AANAT: variants seen among roughly 807,000 people sequenced by gnomAD.
AANAT encodes the protein aralkylamine N-acetyltransferase.
A neutral mutation model predicts 15.6 loss-of-function variants in AANAT; 11 were observed. The ratio of observed to expected loss-of-function variants is 0.71; its 90% CI spans 0.44 to 1.17. AANAT has a LOEUF of 1.17. Ranked by LOEUF, AANAT falls within the 50% of genes most tolerant of loss-of-function variation. The probability of loss-of-function intolerance (pLI) is 0.00; values close to 1 mark genes in which losing one functional copy is unlikely to be tolerated. For missense variants in AANAT, 286 were observed against 296.3 expected (o/e 0.97, Z 0.26); for synonymous variants, 139 against 131.5 (o/e 1.06, Z -0.39).
intron 2 of AANAT, among the ~76,000 whole-genome samples, chr17:76,461,428 TG>T (rs2073387017): frequency 6.6e-6 from 1 of 151,612 alleles, no homozygotes; most frequent in Non-Finnish European, 1.5e-5. Flanking sequence ...CTGGCCAACA[TG>T]GTGAAACCCC....
intron 1 of AANAT, among the ~76,000 whole-genome samples, chr17:76,458,399 C>T (rs2073358739): frequency 6.6e-6 from 1 of 152,192 alleles, no homozygotes; most frequent in Admixed American, 6.5e-5. Context: ...ATGGAAGCCG[C>T]TGCTTAGTTT....
intron 2 of AANAT, chr17:76,459,395 CAAAT>C (rs1025793501): frequency 6.6e-6 from 1 of 152,284 alleles, no homozygotes; most frequent in African/African-American, 2.4e-5. Flanking sequence ...ATCTTTTCCT[CAAAT>C]AGTTTCTTCT....
At chr17:76,466,852 A>C (rs2073443510), upstream of AANAT, among the ~76,000 whole-genome samples, 1 of 152,150 alleles carries the variant, frequency 6.6e-6, no homozygotes, top group African/African-American at 2.4e-5. Context: ...GGTCCGTCCC[A>C]AGCTGTGTGG....
At position 76,470,084 on chromosome 17, in the gene AANAT, TA is replaced by T. The variant is rs2073510215; in HGVS notation, c.*117del. On this transcript the variant is annotated 3_prime_UTR_variant, in exon 4 of 4. Coordinates refer to ENST00000392492, the MANE Select transcript of AANAT (RefSeq NM_001088.3). Reference sequence around the variant, plus strand: ...AGAGAGTGGAGAGAGCAGGGCTAAATAAAGAGGAGATAAGGTGGCTTCTCAC... The same window carrying T: ...AGAGAGTGGAGAGAGCAGGGCTAAATAAGAGGAGATAAGGTGGCTTCTCAC... The T allele has an allele frequency of 8.4e-7, 1 of 1,189,484 alleles. No homozygotes were observed. Among genetic ancestry groups the T allele is most frequent in the South Asian group, 1.8e-5 (1 of 55,382 alleles). 73.7% of individuals were successfully genotyped at this position (1,189,484 alleles called of 1,614,324 possible). A position where few individuals can be genotyped will look rare whatever the true frequency, so the allele number is the denominator to read the frequency against.
chr17:76,457,197 C>A (rs1848847555), intron 1 of AANAT, among the ~76,000 whole-genome samples: 1 of 152,138 alleles, frequency 6.6e-6, no homozygotes, highest in African/African-American at 2.4e-5. Context: ...CGCCCACCAC[C>A]ACGGCTGGCT....
At position 76,469,354 on chromosome 17, in the gene AANAT, T is replaced by A. The variant is rs1487132855; in HGVS notation, c.318+27T>A. 2.5e-6 allele frequency: 4 copies of A among 1,612,504 alleles called. No individual in the cohort carries two copies. The South Asian group carries it at 3.3e-5, about 13-fold the overall frequency. ...TGAGGACAGGGCTGCGACGCCCAGC[T>A]CCAGGGAGGCCTCTGAAGACAGAGG... On this transcript the variant is annotated intron_variant, in intron 3 of 3. Transcript: ENST00000392492. This position sits in a 1 kb window ranked among gnomAD's most constrained non-coding sequence, Gnocchi z 5.2.
At position 76,469,850 on chromosome 17, in the gene AANAT, T is replaced by C; in HGVS notation, c.504T>C (p.Tyr168=). ...LMCEDALVPF[Y]ERFSFHAVGP... ...GCGAGGACGCGCTGGTACCCTTCTA[T>C]GAGAGGTTCAGCTTCCACGCCGTGG... is the stretch of plus-strand genomic sequence containing the variant. The change falls in exon 4 of 4, where the codon TAT becomes TAC. Residue 168 remains tyrosine, a synonymous_variant. Coordinates refer to ENST00000392492, the MANE Select transcript of AANAT (RefSeq NM_001088.3). The surrounding 1 kb of genome is among the most constrained non-coding windows in gnomAD (Gnocchi z 5.2). 7 of 1,604,348 alleles carry C rather than the reference T, an allele frequency of 4.4e-6. No individual in the cohort carries two copies. The highest frequency in any genetic ancestry group is 1.1e-5 in the South Asian group (1 of 89,438).
intron 1 of AANAT, chr17:76,453,892 T>G (rs1315287747): frequency 6.6e-6 from 1 of 152,222 alleles, no homozygotes; most frequent in African/African-American, 2.4e-5. Context: ...GTAAGGTAGC[T>G]AAGAGTGGGG....
chr17:76,456,681 C>T (rs2073346453), intron 1 of AANAT, among the ~76,000 whole-genome samples: 1 of 152,202 alleles, frequency 6.6e-6, no homozygotes, highest in Admixed American at 6.5e-5. Context: ...AACATAGTAG[C>T]TTCTGTTCTG....
At chr17:76,458,934 G>A (rs770412432) in intron 1 of AANAT, among the ~76,000 whole-genome samples, 2 of 146,028 alleles carry the variant, frequency 1.4e-5, no homozygotes, top group Non-Finnish European at 3.0e-5. Context: ...GCTGGCTGAA[G>A]AAATGCCTCC....
At chr17:76,460,165 T>A in intron 2 of AANAT, among the ~76,000 whole-genome samples, 1 of 118,520 alleles carries the variant, frequency 8.4e-6, no homozygotes, top group Non-Finnish European at 1.7e-5. Context: ...TTTTTTTTTT[T>A]TGAGACAGAG....
chr17:76,462,647 T>C (rs559814639), upstream of AANAT, among the ~76,000 whole-genome samples: 97 of 152,176 alleles, frequency 6.4e-4, 1 homozygote, highest in Admixed American at 1.8e-3. Flanking sequence ...CGCACACAGT[T>C]CTCCATCTCT....
At chr17:76,455,111 A>C (rs1355146280) in intron 1 of AANAT, among the ~76,000 whole-genome samples, 1 of 152,004 alleles carries the variant, frequency 6.6e-6, no homozygotes, top group African/African-American at 2.4e-5. Flanking sequence ...TGGGCGACAG[A>C]GTGAGATTCC....
At position 76,468,836 on chromosome 17, in the gene AANAT, C is replaced by A. The variant is rs757675720; in HGVS notation, c.90C>A (p.His30Gln). The change falls in exon 2 of 4, where the codon CAC becomes CAA. Residue 30 changes from histidine to glutamine, a missense_variant. By Grantham distance (24) the His-to-Gln change is conservative. Transcript: ENST00000392492. ...AGTCCCCGAGCTGTCAGCGGCGCCA[C>A]ACACTCCCTGCCAGTGAGTTTCGCT... is the stretch of plus-strand genomic sequence containing the variant. The part of the protein sequence containing the change: ...IPESPSCQRR[H>Q]TLPASEFRCL... 1 of 1,613,614 alleles carries A rather than the reference C, an allele frequency of 6.2e-7. No homozygotes were observed. Among genetic ancestry groups the A allele is most frequent in the Non-Finnish European group, 8.5e-7 (1 of 1,180,014 alleles).
chr17:76,456,556 A>C (rs756982163), intron 1 of AANAT, among the ~76,000 whole-genome samples: 1 of 152,160 alleles, frequency 6.6e-6, no homozygotes, highest in Non-Finnish European at 1.5e-5. Flanking sequence ...TGGGTTCTCA[A>C]ACCATGGCCT....
At chr17:76,465,863 T>G (rs1199159363), upstream of AANAT, 9 of 320,738 alleles carry the variant, frequency 2.8e-5, no homozygotes, top group South Asian at 2.5e-4. Context: ...TTTATTTTTA[T>G]TTGTATTTTT....
chr17:76,454,291 A>AT (rs2073314889), intron 1 of AANAT, among the ~76,000 whole-genome samples: 1 of 151,324 alleles, frequency 6.6e-6, no homozygotes, highest in Non-Finnish European at 1.5e-5. Flanking sequence ...CCTGGCCAAC[A>AT]TGGCGAAACC....
chr17:76,465,896 C>T (rs1037009205), upstream of AANAT: 7 of 420,500 alleles, frequency 1.7e-5, no homozygotes, highest in South Asian at 2.4e-5. Flanking sequence ...CTCGCTCTGT[C>T]GCCCAGGCTG....
chr17:76,465,344 AT>A (rs5822138), upstream of AANAT, among the ~76,000 whole-genome samples: 39,621 of 138,082 alleles, frequency 0.29, 6,037 homozygotes, highest in East Asian at 0.47. Context: ...TGAGGTCAGG[AT>A]TTTTTTTTTT....
Sources: gnomAD v4.1 joint callset for allele counts (sites outside exome capture counted in the v4.1 genomes callset) on GRCh38, gnomAD v4.1.1 for gene constraint, Gnocchi (gnomAD v3.1) non-coding constraint, MANE v1.5 for transcripts, NCBI Gene and HGNC (gene_info 2026-07-23, HGNC 2026-07-21) for gene names.